TTLL5: variants seen among roughly 807,000 people sequenced by gnomAD.
The protein encoded by TTLL5 is tubulin polyglutamylase TTLL5.
A neutral mutation model predicts 168.4 loss-of-function variants in TTLL5; 132 were observed. The observed-to-expected ratio is 0.78, with a 90% CI of 0.68 to 0.91. The LOEUF is 0.91. Ranked by LOEUF, TTLL5 falls within the 40% of genes least tolerant of loss-of-function variation. TTLL5 has a pLI of 0.00. For synonymous variants in TTLL5, 546 were observed against 558.6 expected (o/e 0.98, Z 0.32); for missense variants, 1,545 against 1,581.5 (o/e 0.98, Z 0.39).
intron 27 of TTLL5, among the ~76,000 whole-genome samples, chr14:75,814,254 GTGCTGTCTC>G (rs1894245681): frequency 6.6e-6 from 1 of 152,176 alleles, no homozygotes; most frequent in Non-Finnish European, 1.5e-5. Context: ...TTTGTGAGTG[GTGCTGTCTC>G]TTCATGTACT....
At chr14:75,720,498 A>C (rs1887772048) in intron 11 of TTLL5, 98 bp from the exon 12 acceptor site, 1 of 907,880 alleles carries the variant, frequency 1.1e-6, no homozygotes, top group Non-Finnish European at 1.7e-6. Context: ...TTTTTGAATG[A>C]GCACACATGC....
Position 75,817,987 on chromosome 14 carries a change from G to A in TTLL5, c.3172-2020G>A, listed in dbSNP as rs1017034009. Among the ~76,000 whole-genome samples, 6 of 151,432 alleles carry A rather than the reference G, an allele frequency of 4.0e-5. No homozygotes were observed. In the East Asian group the frequency reaches 5.8e-4, roughly 15 times the overall value. ...CGAGTAGCTGGGACTACAGGTGCCC[G>A]CCACCACGCCCAGCTAATTTTTTTG... is the stretch of plus-strand genomic sequence containing the variant. On this transcript the variant is annotated intron_variant, in intron 27 of 31. Coordinates refer to ENST00000298832, the MANE Select transcript of TTLL5 (RefSeq NM_015072.5).
At chr14:75,767,229 T>G (rs903154275) in intron 20 of TTLL5, among the ~76,000 whole-genome samples, 34 of 151,964 alleles carry the variant, frequency 2.2e-4, no homozygotes, top group African/African-American at 8.2e-4. Flanking sequence ...CTCAGTGAGT[T>G]TTTATTGAGC....
At chr14:75,734,640 C>T (rs929254915) in intron 14 of TTLL5, among the ~76,000 whole-genome samples, 1 of 152,140 alleles carries the variant, frequency 6.6e-6, no homozygotes, top group African/African-American at 2.4e-5. Flanking sequence ...TCTATTCTCC[C>T]TGGATGGGAA....
chr14:75,888,137 C>T (rs942033232), intron 30 of TTLL5, among the ~76,000 whole-genome samples: 1 of 152,136 alleles, frequency 6.6e-6, no homozygotes, highest in Admixed American at 6.5e-5. Flanking sequence ...TCTAGTAATC[C>T]TCGTCATTTG....
At chr14:75,944,410 CCT>C (rs1429166461) in intron 31 of TTLL5, among the ~76,000 whole-genome samples, 1 of 152,138 alleles carries the variant, frequency 6.6e-6, no homozygotes, top group Non-Finnish European at 1.5e-5. Context: ...CAATCTTGCC[CCT>C]GTCTCCCTTG....
chr14:75,694,590 T>C (rs1037273173), intron 6 of TTLL5, among the ~76,000 whole-genome samples: 10 of 152,178 alleles, frequency 6.6e-5, no homozygotes, highest in African/African-American at 9.7e-5. Flanking sequence ...CACCTCGGCC[T>C]CCCAAATTGC....
rs1301908180 is a variant in TTLL5 at position 75,764,772 on chromosome 14, G to C, written c.1708G>C (p.Val570Leu). Residue 570 changes from valine to leucine, a missense_variant and splice_region_variant, in exon 19 of 32, where the codon GTG (valine) becomes CTG (leucine). Coordinates refer to ENST00000298832, the MANE Select transcript of TTLL5 (RefSeq NM_015072.5). Reference protein sequence around the residue: ...RLRAMRPKYPVITQPAEMNVK... With the variant: ...RLRAMRPKYPLITQPAEMNVK... ...GAGGGCAATGAGGCCAAAATACCCAGGTACCTGCTGGTGAGCTTTCACCAA... is the reference window on the plus strand; with the variant it reads ...GAGGGCAATGAGGCCAAAATACCCACGTACCTGCTGGTGAGCTTTCACCAA... The C allele has an allele frequency of 2.5e-6, 4 of 1,613,978 alleles. No individual in the cohort carries two copies. The highest frequency in any genetic ancestry group is 3.4e-6 in the Non-Finnish European group (4 of 1,179,920).
chr14:75,921,942 AT>A (rs2033840397), intron 31 of TTLL5, among the ~76,000 whole-genome samples: 1 of 152,128 alleles, frequency 6.6e-6, no homozygotes, highest in Non-Finnish European at 1.5e-5. Flanking sequence ...GGTCCTTCAC[AT>A]TCCTTGTGAG....
chr14:75,737,946 A>AT (rs984146830), intron 15 of TTLL5, among the ~76,000 whole-genome samples: 15 of 150,194 alleles, frequency 1.0e-4, no homozygotes, highest in South Asian at 6.3e-4. Flanking sequence ...ATGAACTTCA[A>AT]TTTTTTTTTT....
intron 3 of TTLL5, among the ~76,000 whole-genome samples, chr14:75,678,009 C>T (rs1402263630): frequency 6.6e-6 from 1 of 152,106 alleles, no homozygotes; most frequent in South Asian, 2.1e-4. Flanking sequence ...GATCACCTCC[C>T]CTGTGGCTGG....
chr14:75,818,159 C>G (rs989605322), intron 27 of TTLL5, among the ~76,000 whole-genome samples: 21 of 151,902 alleles, frequency 1.4e-4, no homozygotes, highest in African/African-American at 5.1e-4. Context: ...TTTCTGATTC[C>G]ACTACCACTG....
intron 7 of TTLL5, among the ~76,000 whole-genome samples, chr14:75,701,064 C>T (rs1433364729): frequency 1.3e-5 from 2 of 148,564 alleles, no homozygotes; most frequent in African/African-American, 2.5e-5. Flanking sequence ...ATTCTTTTCC[C>T]ATCTTCTAGA....
intron 29 of TTLL5, among the ~76,000 whole-genome samples, chr14:75,870,130 A>G (rs1338544750): frequency 6.6e-6 from 1 of 151,422 alleles, no homozygotes; most frequent in East Asian, 1.9e-4. Context: ...ACAAGTACTT[A>G]CTGACTCCGA....
intron 31 of TTLL5, among the ~76,000 whole-genome samples, chr14:75,917,604 C>G (rs1218091629): frequency 1.3e-5 from 2 of 152,322 alleles, no homozygotes; most frequent in Admixed American, 6.5e-5. Flanking sequence ...TTAACTTTCT[C>G]TTATTTAGAT....
chr14:75,861,012 C>G (rs1196606034), intron 28 of TTLL5, among the ~76,000 whole-genome samples: 3 of 152,192 alleles, frequency 2.0e-5, no homozygotes, highest in Admixed American at 2.0e-4. Flanking sequence ...GTCTAGAAGT[C>G]TCTTGGGAAA....
chr14:75,681,003 G>C (rs1450544726), intron 3 of TTLL5, among the ~76,000 whole-genome samples: 1 of 152,108 alleles, frequency 6.6e-6, no homozygotes, highest in Non-Finnish European at 1.5e-5. Flanking sequence ...CCTCTTCGCA[G>C]AAGAGTGTTT....
intron 30 of TTLL5, among the ~76,000 whole-genome samples, chr14:75,893,877 A>G (rs760320155): frequency 1.3e-5 from 2 of 152,080 alleles, no homozygotes; most frequent in Non-Finnish European, 2.9e-5. Context: ...TTCAAAGTCT[A>G]AGAGTATACC....
intron 6 of TTLL5, among the ~76,000 whole-genome samples, chr14:75,696,843 C>T (rs1047512796): frequency 6.6e-6 from 1 of 152,122 alleles, no homozygotes; most frequent in African/African-American, 2.4e-5. Flanking sequence ...TTGCCCTGCA[C>T]TTTGTTTTTT....
Sources: allele counts gnomAD v4.1 joint callset (sites outside exome capture counted in the v4.1 genomes callset), GRCh38; gene constraint gnomAD v4.1.1; transcripts MANE v1.5; gene names NCBI Gene and HGNC (gene_info 2026-07-23, HGNC 2026-07-21).